FHIP1A: variants seen among roughly 807,000 people sequenced by gnomAD.
FHIP1A encodes the protein FHF complex subunit HOOK-interacting protein 1A.
A neutral mutation model predicts 88.6 loss-of-function variants in FHIP1A; 61 were observed. That is an observed-to-expected ratio of 0.69 (90% CI 0.56 to 0.85). The LOEUF is 0.85. Among genes scored for constraint, FHIP1A ranks in the 40% least tolerant of loss-of-function variants. The probability of loss-of-function intolerance (pLI) is 0.00; values close to 1 mark genes in which losing one functional copy is unlikely to be tolerated. For synonymous variants in FHIP1A, 478 were observed against 496.0 expected, an observed-to-expected ratio of 0.96 and a Z score of 0.48; for missense variants, 1,154 against 1,273.5, an observed-to-expected ratio of 0.91 and a Z score of 1.43.
chr4:151,492,860 A>G (rs1183545100), intron 3 of FHIP1A, among the ~76,000 whole-genome samples: 1 of 152,190 alleles, frequency 6.6e-6, no homozygotes, highest in Non-Finnish European at 1.5e-5. Context: ...TTCATAGCAA[A>G]TAAATGTCTA....
chr4:151,559,423 C>G (rs1437459338), intron 3 of FHIP1A, among the ~76,000 whole-genome samples: 2 of 152,182 alleles, frequency 1.3e-5, no homozygotes, highest in Non-Finnish European at 2.9e-5. Flanking sequence ...CCCCAGCCCC[C>G]ACTGCCCTGT....
intron 1 of FHIP1A, among the ~76,000 whole-genome samples, chr4:151,428,449 C>T (rs1284045360): frequency 6.6e-6 from 1 of 152,060 alleles, no homozygotes; most frequent in East Asian, 1.9e-4. Context: ...TCCATCTTTA[C>T]TAATACTACC....
At chr4:151,419,821 A>G (rs1733059068) in intron 1 of FHIP1A, among the ~76,000 whole-genome samples, 1 of 8,682 alleles carries the variant, frequency 1.2e-4, no homozygotes, top group Middle Eastern at 0.022. Context: ...ATTCCCACCT[A>G]TGAGTGAGAA....
chr4:151,430,946 G>A (rs1311786593), intron 1 of FHIP1A, among the ~76,000 whole-genome samples: 1 of 152,132 alleles, frequency 6.6e-6, no homozygotes. Flanking sequence ...GCTTTCATTT[G>A]CTTTTTGTTT....
chr4:151,540,393 T>A (rs1732241181), intron 3 of FHIP1A, among the ~76,000 whole-genome samples: 2 of 152,216 alleles, frequency 1.3e-5, no homozygotes, highest in Admixed American at 6.5e-5. Flanking sequence ...CCTCATATAT[T>A]TTTTTAAGTT....
At chr4:151,480,495 G>A (rs560002364) in intron 2 of FHIP1A, among the ~76,000 whole-genome samples, 2 of 152,148 alleles carry the variant, frequency 1.3e-5, no homozygotes, top group Admixed American at 6.5e-5. Flanking sequence ...TTCTTAAGAG[G>A]AGGTAAAAGA....
chr4:151,609,981 T>C (rs1382530410), intron 7 of FHIP1A, among the ~76,000 whole-genome samples: 1 of 152,240 alleles, frequency 6.6e-6, no homozygotes, highest in African/African-American at 2.4e-5. Flanking sequence ...GCACATTTAT[T>C]CATTGACATG....
At chr4:151,455,315 C>T (rs1728929158) in intron 2 of FHIP1A, among the ~76,000 whole-genome samples, 1 of 152,150 alleles carries the variant, frequency 6.6e-6, no homozygotes, top group Non-Finnish European at 1.5e-5. Flanking sequence ...ATAATAGCAC[C>T]TTGTGTAAGA....
chr4:151,571,274 T>A (rs1479621891), intron 4 of FHIP1A, among the ~76,000 whole-genome samples: 1 of 152,250 alleles, frequency 6.6e-6, no homozygotes, highest in Admixed American at 6.5e-5. Flanking sequence ...TCTTTGCTTC[T>A]AGTTAGTTAA....
At chr4:151,422,427 T>A (rs1733208195) in intron 1 of FHIP1A, among the ~76,000 whole-genome samples, 1 of 152,008 alleles carries the variant, frequency 6.6e-6, no homozygotes, top group Admixed American at 6.5e-5. Context: ...TGCTCCATTG[T>A]CCAGGCTGGA....
chr4:151,443,284 C>T (rs1353876523), intron 1 of FHIP1A, among the ~76,000 whole-genome samples: 2 of 151,858 alleles, frequency 1.3e-5, no homozygotes, highest in African/African-American at 2.4e-5. Context: ...GGTGACAGAG[C>T]GAGACTGTCT....
At chr4:151,538,694 T>C (rs1229215289) in intron 3 of FHIP1A, among the ~76,000 whole-genome samples, 2 of 152,176 alleles carry the variant, frequency 1.3e-5, no homozygotes, top group Non-Finnish European at 2.9e-5. Context: ...AACCAAACTT[T>C]CTATACAGAG....
intron 2 of FHIP1A, among the ~76,000 whole-genome samples, chr4:151,469,400 G>T (rs1294512977): frequency 6.6e-6 from 1 of 152,120 alleles, no homozygotes; most frequent in Non-Finnish European, 1.5e-5. Context: ...GTAATTTCAG[G>T]TATAGCTTCT....
intron 1 of FHIP1A, among the ~76,000 whole-genome samples, chr4:151,411,627 G>A (rs976368733): frequency 6.6e-6 from 1 of 152,068 alleles, no homozygotes; most frequent in Non-Finnish European, 1.5e-5. Flanking sequence ...TGGGATTACA[G>A]GTGTGAGCCA....
At chr4:151,561,872 T>C (rs1578755187) in intron 3 of FHIP1A, among the ~76,000 whole-genome samples, 2 of 152,184 alleles carry the variant, frequency 1.3e-5, no homozygotes, top group South Asian at 4.1e-4. Context: ...AGATTTCTTA[T>C]AAAGATTTTT....
At chr4:151,454,972 A>G (rs1166311057) in intron 2 of FHIP1A, among the ~76,000 whole-genome samples, 164 bp downstream of exon 2, 1 of 152,046 alleles carries the variant, frequency 6.6e-6, no homozygotes, top group Admixed American at 6.6e-5. Context: ...ATCATTCTTC[A>G]CTGTGGTTTG....
At chr4:151,613,073 A>G (rs977697797) in intron 7 of FHIP1A, among the ~76,000 whole-genome samples, 4 of 152,214 alleles carry the variant, frequency 2.6e-5, no homozygotes, top group Non-Finnish European at 4.4e-5. Flanking sequence ...TGATTCTAAC[A>G]TAGAACCAGG....
chr4:151,527,540 G>GGAGAGC (rs1018384718), intron 3 of FHIP1A, among the ~76,000 whole-genome samples: 6 of 151,968 alleles, frequency 3.9e-5, no homozygotes, highest in African/African-American at 9.7e-5. Flanking sequence ...GAGACCGTGG[G>GGAGAGC]GAGAGCGAGA....
At chr4:151,526,965 T>C (rs1327518308) in intron 3 of FHIP1A, among the ~76,000 whole-genome samples, 1 of 145,576 alleles carries the variant, frequency 6.9e-6, no homozygotes, top group African/African-American at 2.6e-5. Flanking sequence ...CCAGATGGGA[T>C]GGCGGCTGGG....
Sources: allele counts gnomAD v4.1 joint callset (sites outside exome capture counted in the v4.1 genomes callset), GRCh38; gene constraint gnomAD v4.1.1; transcripts MANE v1.5; gene names NCBI Gene and HGNC (gene_info 2026-07-23, HGNC 2026-07-21).